PRR14: variants seen among roughly 807,000 people sequenced by gnomAD.
The protein encoded by PRR14 is proline rich 14.
PRR14 carries 33 observed loss-of-function variants against 57.2 expected under a neutral mutation model. That is an observed-to-expected ratio of 0.58 (90% CI 0.44 to 0.77). PRR14 has a LOEUF of 0.77. Among genes scored for constraint, PRR14 ranks in the 30% least tolerant of loss-of-function variants. The pLI is 0.00. For missense variants in PRR14, 716 were observed against 788.1 expected (o/e 0.91, Z 1.10); for synonymous variants, 303 against 314.7 (o/e 0.96, Z 0.39).
Position 30,656,201 on chromosome 16 carries a change from G to A in PRR14, c.1648G>A (p.Val550Met), listed in dbSNP as rs767608316. ...AGGGGGCAGGACTGTTCCTCCCAAT[G>A]TGGCCCCCAGCCCTGATGTGGGCCC... ...AAGGRTVPPN[V>M]APSPDVGPLL... Residue 550 changes from valine (V) to methionine (M), a missense_variant, in exon 12 of 12, where the codon GTG becomes ATG. Physicochemically the swap from Val to Met is conservative, Grantham distance 21. Transcript: ENST00000300835. The A allele has an allele frequency of 4.2e-5, 67 of 1,612,128 alleles. No homozygotes were observed. The highest frequency in any genetic ancestry group is 1.6e-4 in the Middle Eastern group (1 of 6,074).
In PRR14 at chr16:30,651,578, G is replaced by A; in HGVS notation, c.-50-18G>A. The A allele has an allele frequency of 6.9e-6, 2 of 289,180 alleles. No homozygotes were observed. The highest frequency in any genetic ancestry group is 6.4e-6 in the Non-Finnish European group (1 of 155,992). The allele number at this position is 289,180 out of a possible 1,614,324, so 17.9% of individuals were successfully genotyped here. On this transcript the variant is annotated intron_variant, in intron 1 of 11. Coordinates refer to ENST00000300835, the MANE Select transcript of PRR14 (RefSeq NM_024031.5). This position sits in a 1 kb window ranked among gnomAD's most constrained non-coding sequence, Gnocchi z 5.0. Reference sequence around the variant, plus strand: ...GCCGGCCCTCACCCCCCGCTCCCCCGCTCCCCCCTTACCCCAGGCCGCAGC... The same window carrying A: ...GCCGGCCCTCACCCCCCGCTCCCCCACTCCCCCCTTACCCCAGGCCGCAGC...
intron 4 of PRR14, 28 bp downstream of exon 4, chr16:30,652,870 G>C (rs377151382): frequency 2.2e-5 from 36 of 1,613,996 alleles, no homozygotes; most frequent in South Asian, 9.9e-5. Context: ...GGGGTAAGCC[G>C]AGGGCCCAGC....
In PRR14 at chr16:30,654,952, C is replaced by T; in HGVS notation, c.982C>T (p.Leu328=). The T allele has an allele frequency of 6.2e-7, 1 of 1,612,124 alleles. No individual in the cohort carries two copies. Among genetic ancestry groups the T allele is most frequent in the East Asian group, 2.2e-5 (1 of 44,888 alleles). ...NTPALLPKPS[L]GRSYSCPDLG... Reference sequence around the variant, plus strand: ...CCCAGCACTTCTCCCTAAGCCCTCTCTGGGCCGAAGCTACTCCTGCCCTGA... The same window carrying T: ...CCCAGCACTTCTCCCTAAGCCCTCTTTGGGCCGAAGCTACTCCTGCCCTGA... Residue 328 remains leucine, a synonymous_variant, in exon 8 of 12, where the codon CTG becomes TTG. Transcript: ENST00000300835.
chr16:30,655,092 A>T lies in PRR14; in HGVS notation c.1122A>T (p.Pro374=), dbSNP rs1029497901. ...GTGGGGAAATGGCCCGAGCCCCGCC[A>T]CCCCCTCGGCCCTGTCTCCGGAAAG... The part of the protein sequence containing the change: ...VGGGEMARAP[P]PPRPCLRKEV... The change falls in exon 8 of 12, where the codon CCA becomes CCT. Residue 374 remains proline, a synonymous_variant. Coordinates refer to ENST00000300835, the MANE Select transcript of PRR14 (RefSeq NM_024031.5). The surrounding 1 kb of genome is among the most constrained non-coding windows in gnomAD (Gnocchi z 4.6). 2 of 1,609,382 alleles carry T rather than the reference A, an allele frequency of 1.2e-6. No individual in the cohort carries two copies. The highest frequency in any genetic ancestry group is 1.7e-6 in the Non-Finnish European group (2 of 1,179,390).
rs779450451 is a variant in PRR14, at chr16:30,655,265, C to G, written c.1244+51C>G. ...AAGCCTGGCTGCAGCCTGGTCCCAG[C>G]CTCCTTCCCTGAGTATCCAGTGGGC... On this transcript the variant is annotated intron_variant, in intron 8 of 11. Coordinates refer to ENST00000300835, the MANE Select transcript of PRR14 (RefSeq NM_024031.5). The surrounding 1 kb of genome is among the most constrained non-coding windows in gnomAD (Gnocchi z 4.6). The G allele has an allele frequency of 6.3e-7, 1 of 1,597,778 alleles. No homozygotes were observed. Among genetic ancestry groups the G allele is most frequent in the South Asian group, 1.1e-5 (1 of 90,174 alleles).
At position 30,650,962 on chromosome 16, in the gene PRR14, G is replaced by T. The variant is rs1210285501; in HGVS notation, c.-216G>T. ...GGCGTCTGTGGGCGGGACCTCCCGG[G>T]ATTGGAGTGAAGAGGGTATCTGCTT... is the stretch of plus-strand genomic sequence containing the variant. On this transcript the variant is annotated 5_prime_UTR_variant, in exon 1 of 12. Transcript: ENST00000300835. 2.2e-6 allele frequency: 1 copy of T among 449,404 alleles called. No homozygotes were observed. Among genetic ancestry groups the T allele is most frequent in the Non-Finnish European group, 4.5e-6 (1 of 221,102 alleles). 27.8% of individuals were successfully genotyped at this position (449,404 alleles called of 1,614,324 possible).
chr16:30,656,066 C>T lies in PRR14; in HGVS notation c.1513C>T (p.Arg505Cys). The T allele has an allele frequency of 8.4e-6, 13 of 1,550,790 alleles. No homozygotes were observed. Among genetic ancestry groups the T allele is most frequent in the Non-Finnish European group, 1.1e-5 (13 of 1,150,718 alleles). ...FETIFEEPRE[R>C]NGTLIFTSSR... ...GACCATCTTTGAGGAACCCCGGGAG[C>T]GCAATGGGACTCTGATTTTCACCAG... Residue 505 changes from arginine (R) to cysteine (C), a missense_variant, in exon 12 of 12, where the codon CGC becomes TGC. Arg to Cys is a radical substitution (Grantham distance 180, BLOSUM62 -3). Coordinates refer to ENST00000300835, the MANE Select transcript of PRR14 (RefSeq NM_024031.5).
chr16:30,651,617 G>A lies in PRR14; in HGVS notation c.-29G>A. 2.2e-6 allele frequency: 3 copies of A among 1,387,914 alleles called. No individual in the cohort carries two copies. The highest frequency in any genetic ancestry group is 2.9e-6 in the Non-Finnish European group (3 of 1,040,578). The allele number at this position is 1,387,914 out of a possible 1,614,324, so 86.0% of individuals were successfully genotyped here. A position where few individuals can be genotyped will look rare whatever the true frequency, so the allele number is the denominator to read the frequency against. ...CCAGGCCGCAGCCTGGGATTCCCCA[G>A]GGACCCCCCCGGAGCCGCCGCGTCT... On this transcript the variant is annotated 5_prime_UTR_variant, in exon 2 of 12. Transcript: ENST00000300835. This position sits in a 1 kb window ranked among gnomAD's most constrained non-coding sequence, Gnocchi z 5.0.
At position 30,654,791 on chromosome 16, in the gene PRR14, C is replaced by G. The variant is rs761848887; in HGVS notation, c.821C>G (p.Pro274Arg). ...ACGCCCAACAAAACCCCACAGCCCC[C>G]ACCCCCGTCCCCCCCAATGAAGCTG... ...FLTPNKTPQP[P>R]PPSPPMKLEL... The change falls in exon 8 of 12, where the codon CCA (proline) becomes CGA (arginine). Residue 274 changes from proline to arginine, a missense_variant. Coordinates refer to ENST00000300835, the MANE Select transcript of PRR14 (RefSeq NM_024031.5). 1 of 1,592,964 alleles carries G rather than the reference C, an allele frequency of 6.3e-7. No homozygotes were observed. Among genetic ancestry groups the G allele is most frequent in the Admixed American group, 1.7e-5 (1 of 59,778 alleles).
At position 30,655,021 on chromosome 16, in the gene PRR14, C is replaced by T. The variant is rs372108737; in HGVS notation, c.1051C>T (p.Pro351Ser). 2.5e-6 allele frequency: 4 copies of T among 1,610,314 alleles called. No individual in the cohort carries two copies. The highest frequency in any genetic ancestry group is 3.4e-6 in the Non-Finnish European group (4 of 1,179,756). ...AGGTACCTGCACCTGGCCACCTGCTCCACCCCAACCAAGCCGACCACGGCC... is the reference window on the plus strand; with the variant it reads ...AGGTACCTGCACCTGGCCACCTGCTTCACCCCAACCAAGCCGACCACGGCC... ...GPGTCTWPPAPPQPSRPRPRR... is the reference protein window; with the variant it reads ...GPGTCTWPPASPQPSRPRPRR... The change falls in exon 8 of 12, where the codon CCA becomes TCA. Residue 351 changes from proline to serine, a missense_variant. Transcript: ENST00000300835. The surrounding 1 kb of genome is among the most constrained non-coding windows in gnomAD (Gnocchi z 4.6).
chr16:30,650,845 A>G (rs1449446188), upstream of PRR14: 1 of 331,894 alleles, frequency 3.0e-6, no homozygotes, highest in Non-Finnish European at 6.3e-6. Context: ...GTGGCTGGAG[A>G]GAGGGCGGGA....
chr16:30,651,314 T>C lies in PRR14; in HGVS notation c.-51+187T>C. On this transcript the variant is annotated intron_variant, in intron 1 of 11. Coordinates refer to ENST00000300835, the MANE Select transcript of PRR14 (RefSeq NM_024031.5). The surrounding 1 kb of genome is among the most constrained non-coding windows in gnomAD (Gnocchi z 5.0). ...GATCCCGGGGGATCTCGGGGCATAA[T>C]CTGCAGGGACAAAGGCCTCGGGAGG... 2.6e-6 allele frequency: 1 copy of C among 386,586 alleles called. No individual in the cohort carries two copies. Among genetic ancestry groups the C allele is most frequent in the East Asian group, 5.0e-5 (1 of 20,076 alleles). 23.9% of individuals were successfully genotyped at this position (386,586 alleles called of 1,614,324 possible). A position where few individuals can be genotyped will look rare whatever the true frequency, so the allele number is the denominator to read the frequency against.
intron 3 of PRR14, chr16:30,652,232 C>CTTT (rs749845482): frequency 1.0e-4 from 52 of 519,242 alleles, no homozygotes; most frequent in Middle Eastern, 4.5e-4. Context: ...TTTTTTCTAT[C>CTTT]TTTTTTTTTT....
rs772386159 is a variant in PRR14, at chr16:30,655,796, A to C, written c.1407-72A>C. The C allele has an allele frequency of 6.6e-6, 10 of 1,524,176 alleles. No homozygotes were observed. The Admixed American group carries it at 1.3e-4, about 20-fold the overall frequency. The allele number at this position is 1,524,176 out of a possible 1,614,324, so 94.4% of individuals were successfully genotyped here. On this transcript the variant is annotated intron_variant, in intron 10 of 11. Coordinates refer to ENST00000300835, the MANE Select transcript of PRR14 (RefSeq NM_024031.5). This position sits in a 1 kb window ranked among gnomAD's most constrained non-coding sequence, Gnocchi z 4.6. ...ACATGTCCCAGAAACTGAAATACAG[A>C]CCAGGCCTTACCTGTCCCTTCAGGC...
At chr16:30,654,178 C>A in intron 6 of PRR14, 52 bp from the exon 7 acceptor site, 1 of 1,275,964 alleles carries the variant, frequency 7.8e-7, no homozygotes, top group Non-Finnish European at 1.1e-6. Flanking sequence ...GTTGCTGGCT[C>A]AGGTGGGATA....
chr16:30,655,152 T>C lies in PRR14; in HGVS notation c.1182T>C (p.Pro394=), dbSNP rs1349433246. ...CTCTCGGAGGAGTGGGAGCCTCCCCTTCTCTCACCACATCTTGCTCGTCCA... is the reference window on the plus strand; with the variant it reads ...CTCTCGGAGGAGTGGGAGCCTCCCCCTCTCTCACCACATCTTGCTCGTCCA... ...VFPLGGVGAS[P]SLTTSCSSTA... is the part of the protein sequence containing the mutation. Residue 394 remains proline, a synonymous_variant, in exon 8 of 12, where the codon CCT becomes CCC. Transcript: ENST00000300835. This position sits in a 1 kb window ranked among gnomAD's most constrained non-coding sequence, Gnocchi z 4.6. 2.5e-6 allele frequency: 4 copies of C among 1,608,202 alleles called. No homozygotes were observed. The highest frequency in any genetic ancestry group is 3.4e-6 in the Non-Finnish European group (4 of 1,177,860).
At position 30,655,298 on chromosome 16, in the gene PRR14, G is replaced by T. The variant is rs535354547; in HGVS notation, c.1245-53G>T. 3 of 1,606,816 alleles carry T rather than the reference G, an allele frequency of 1.9e-6. No homozygotes were observed. The Admixed American group carries it at 5.0e-5, about 27-fold the overall frequency. ...CCTGAGTATCCAGTGGGCAGGAGAC[G>T]GGGGATAATGCAGTGAATCCTGTTT... On this transcript the variant is annotated intron_variant, in intron 8 of 11. Coordinates refer to ENST00000300835, the MANE Select transcript of PRR14 (RefSeq NM_024031.5). The surrounding 1 kb of genome is among the most constrained non-coding windows in gnomAD (Gnocchi z 4.6).
chr16:30,655,752 T>G lies in PRR14; in HGVS notation c.1407-116T>G, dbSNP rs1279874291. ...TGCTCAAAATTGCCTGTCTGCCTTA[T>G]GTAGCACTCCTGGCCCTGACATGTC... On this transcript the variant is annotated intron_variant, in intron 10 of 11. Coordinates refer to ENST00000300835, the MANE Select transcript of PRR14 (RefSeq NM_024031.5). The surrounding 1 kb of genome is among the most constrained non-coding windows in gnomAD (Gnocchi z 4.6). The G allele has an allele frequency of 5.2e-6, 7 of 1,335,616 alleles. No homozygotes were observed. The highest frequency in any genetic ancestry group is 7.5e-6 in the Non-Finnish European group (7 of 928,528). The allele number at this position is 1,335,616 out of a possible 1,614,324, so 82.7% of individuals were successfully genotyped here.
At position 30,655,166 on chromosome 16, in the gene PRR14, C is replaced by T; in HGVS notation, c.1196C>T (p.Ser399Phe). ...GGAGCCTCCCCTTCTCTCACCACAT[C>T]TTGCTCGTCCACGGCATCCACTTCC... is the stretch of plus-strand genomic sequence containing the variant. Reference protein sequence around the residue: ...GVGASPSLTTSCSSTASTSFS... With the variant: ...GVGASPSLTTFCSSTASTSFS... The change falls in exon 8 of 12, where the codon TCT becomes TTT. Residue 399 changes from serine (S) to phenylalanine (F), a missense_variant. Coordinates refer to ENST00000300835, the MANE Select transcript of PRR14 (RefSeq NM_024031.5). The surrounding 1 kb of genome is among the most constrained non-coding windows in gnomAD (Gnocchi z 4.6). 3 of 1,603,336 alleles carry T rather than the reference C, an allele frequency of 1.9e-6. No homozygotes were observed. The highest frequency in any genetic ancestry group is 2.6e-6 in the Non-Finnish European group (3 of 1,174,598).
Sources: allele counts gnomAD v4.1 joint callset, GRCh38; gene constraint gnomAD v4.1.1; non-coding constraint Gnocchi (gnomAD v3.1); transcripts MANE v1.5; gene names NCBI Gene and HGNC (gene_info 2026-07-23, HGNC 2026-07-21).